GSDMA: variants seen among roughly 807,000 people sequenced by gnomAD.
GSDMA encodes gasdermin A.
In GSDMA, 55 loss-of-function variants were observed where a neutral mutation model predicts 54.3. That is an observed-to-expected ratio of 1.01 (90% confidence interval 0.82 to 1.27). The LOEUF is 1.27. Ranked by LOEUF, GSDMA falls within the 50% of genes most tolerant of loss-of-function variation. GSDMA has a pLI of 0.00. For missense variants in GSDMA, 542 were observed against 542.6 expected, an observed-to-expected ratio of 1.00 and a Z score of 0.01; for synonymous variants, 211 against 224.7, an observed-to-expected ratio of 0.94 and a Z score of 0.54.
chr17:39,967,124 C>T (rs1486879690), intron 3 of GSDMA, among the ~76,000 whole-genome samples: 1 of 152,216 alleles, frequency 6.6e-6, no homozygotes, highest in African/African-American at 2.4e-5. Context: ...TAGTAAAGCA[C>T]TCTACTACGG....
chr17:39,972,726 C>A, intron 7 of GSDMA, 113 bp downstream of exon 7: 1 of 941,680 alleles, frequency 1.1e-6, no homozygotes, highest in Non-Finnish European at 1.7e-6. Context: ...CGAATCTCAG[C>A]AAATAATTGT....
rs1453613290 is a variant in GSDMA at position 39,974,906 on chromosome 17, G to A, written c.913G>A (p.Gly305Arg). 6 of 1,599,864 alleles carry A rather than the reference G, an allele frequency of 3.8e-6. No homozygotes were observed. In the African/African-American group the frequency reaches 6.7e-5, roughly 18 times the overall value. Residue 305 changes from glycine to arginine, a missense_variant, in exon 10 of 12, where the codon GGG (glycine) becomes AGG (arginine). Gly to Arg is a moderately radical substitution (Grantham distance 125). Transcript: ENST00000301659. ...ELQDLELALE[G>R]ALDKGHEVTL... ...CGCCCACCTTCCCCCACAGCTTGAAGGGGCTCTAGACAAGGGACATGAAGT... is the reference window on the plus strand; with the variant it reads ...CGCCCACCTTCCCCCACAGCTTGAAAGGGCTCTAGACAAGGGACATGAAGT...
At chr17:39,974,220 T>G in intron 8 of GSDMA, 53 bp from the exon 9 acceptor site, 6 of 1,539,688 alleles carry the variant, frequency 3.9e-6, no homozygotes, top group Non-Finnish European at 5.3e-6. Context: ...GAATGCTGAC[T>G]GGAGAGGAAG....
chr17:39,969,795 A>G (rs1979845358), intron 3 of GSDMA, among the ~76,000 whole-genome samples: 1 of 152,040 alleles, frequency 6.6e-6, no homozygotes. Context: ...CAGAGGTTGT[A>G]GTGAGCCAAG....
Position 39,974,333 on chromosome 17 carries a change from T to C in GSDMA, c.812T>C (p.Val271Ala). 1.2e-6 allele frequency: 2 copies of C among 1,609,692 alleles called. No homozygotes were observed. Among genetic ancestry groups the C allele is most frequent in the Non-Finnish European group, 1.7e-6 (2 of 1,178,050 alleles). ...GAAGTTCAGAGAGAGACCCAACAAGTGGAGAAGCTGAGCCGAGTAGGGCAA... is the reference window on the plus strand; with the variant it reads ...GAAGTTCAGAGAGAGACCCAACAAGCGGAGAAGCTGAGCCGAGTAGGGCAA... ...KEEVQRETQQVEKLSRVGQSS... is the reference protein window; with the variant it reads ...KEEVQRETQQAEKLSRVGQSS... The change falls in exon 9 of 12, where the codon GTG (valine) becomes GCG (alanine). Residue 271 changes from valine (V) to alanine (A), a missense_variant. By Grantham distance (64) the Val-to-Ala change is moderately conservative. Transcript: ENST00000301659.
intron 10 of GSDMA, among the ~76,000 whole-genome samples, chr17:39,975,386 G>T (rs1980158778): frequency 6.6e-6 from 1 of 151,508 alleles, no homozygotes; most frequent in South Asian, 2.1e-4. Context: ...GAGGGGGAGG[G>T]TGCAGTGAGC....
intron 2 of GSDMA, 134 bp downstream of exon 2, chr17:39,966,035 G>C (rs931898262): frequency 1.5e-5 from 13 of 861,444 alleles, no homozygotes; most frequent in Non-Finnish European, 2.1e-5. Flanking sequence ...TCATCATCAG[G>C]AGCTGAGGAG....
chr17:39,974,760 T>C (rs1980123509), intron 9 of GSDMA, 140 bp from the exon 10 acceptor site: 1 of 658,490 alleles, frequency 1.5e-6, no homozygotes. Context: ...AGGAGTCCAG[T>C]ACTCTTCAGG....
At position 39,965,782 on chromosome 17, in the gene GSDMA, G is replaced by A. The variant is rs557854289; in HGVS notation, c.95G>A (p.Arg32His). ...CTTGACAGCCTCATCGACTTCAAGC[G>A]CTTCCATCCCTTCTGCCTGGTGCTG... ...TPLDSLIDFK[R>H]FHPFCLVLRK... is the part of the protein sequence containing the mutation. The change falls in exon 2 of 12, where the codon CGC becomes CAC. Residue 32 changes from arginine to histidine, a missense_variant. Coordinates refer to ENST00000301659, the MANE Select transcript of GSDMA (RefSeq NM_178171.5). 5.7e-5 allele frequency: 91 copies of A among 1,609,354 alleles called. No homozygotes were observed. Among genetic ancestry groups the A allele is most frequent in the Non-Finnish European group, 7.6e-5 (89 of 1,177,952 alleles).
chr17:39,972,104 ACCCTCCCT>A lies in GSDMA; in HGVS notation c.656-20_656-13del. 5 of 348,128 alleles carry A rather than the reference ACCCTCCCT, an allele frequency of 1.4e-5. No individual in the cohort carries two copies. The highest frequency in any genetic ancestry group is 2.8e-5 in the Non-Finnish European group (5 of 176,752). The allele number at this position is 348,128 out of a possible 1,614,324, so 21.6% of individuals were successfully genotyped here. Reference sequence around the variant, plus strand: ...TGGGGCAGCTGCTAAGTGTCCTCCCACCCTCCCTCCCTTGCCCTTCACAGATATTCCAC... The same window carrying A: ...TGGGGCAGCTGCTAAGTGTCCTCCCACCCTTGCCCTTCACAGATATTCCAC... On this transcript the variant is annotated splice_polypyrimidine_tract_variant and intron_variant, in intron 5 of 11. Transcript: ENST00000301659.
intron 3 of GSDMA, 53 bp downstream of exon 3, chr17:39,966,490 G>A (rs1009756303): frequency 6.8e-7 from 1 of 1,472,616 alleles, no homozygotes; most frequent in Non-Finnish European, 9.2e-7. Flanking sequence ...GGCAGTGCAT[G>A]GAAATGGTGC....
At chr17:39,964,993 G>A (rs1010839102) in intron 1 of GSDMA, among the ~76,000 whole-genome samples, 2 of 151,796 alleles carry the variant, frequency 1.3e-5, no homozygotes, top group African/African-American at 4.8e-5. Context: ...CCAAGTGCAT[G>A]ACTGCAGTCC....
intron 1 of GSDMA, 38 bp downstream of exon 1, chr17:39,963,123 C>G (rs1979489893): frequency 6.5e-6 from 1 of 152,886 alleles, no homozygotes; most frequent in Non-Finnish European, 1.5e-5. Context: ...CAGGGGTGCT[C>G]TGAGGACACA....
At chr17:39,976,022 G>A (rs757121525) in intron 11 of GSDMA, 25 bp downstream of exon 11, 2 of 1,514,736 alleles carry the variant, frequency 1.3e-6, no homozygotes, top group African/African-American at 1.4e-5. Flanking sequence ...GCAGATGCTG[G>A]GGAGAGTCTG....
intron 3 of GSDMA, among the ~76,000 whole-genome samples, chr17:39,968,751 A>G (rs1318410084): frequency 3.9e-5 from 6 of 152,200 alleles, no homozygotes; most frequent in Non-Finnish European, 8.8e-5. Flanking sequence ...CCCATTGCCA[A>G]CGGTGATAGA....
chr17:39,973,841 T>C lies in GSDMA; in HGVS notation c.751+11T>C. ...AGGCATCTGATGTTGGTAAGGAACT[T>C]TGTGAGTTTCTCCCAAGACTTTGGC... On this transcript the variant is annotated intron_variant, in intron 8 of 11. Transcript: ENST00000301659. 1 of 1,612,464 alleles carries C rather than the reference T, an allele frequency of 6.2e-7. No individual in the cohort carries two copies. The highest frequency in any genetic ancestry group is 8.5e-7 in the Non-Finnish European group (1 of 1,178,634).
intron 3 of GSDMA, among the ~76,000 whole-genome samples, chr17:39,966,932 C>T (rs1232753722): frequency 2.6e-5 from 4 of 152,300 alleles, no homozygotes; most frequent in Admixed American, 6.5e-5. Flanking sequence ...AGCACGCCCT[C>T]GGGAATGCTG....
Position 39,977,174 on chromosome 17 carries a change from C to A in GSDMA, c.*116C>A. The A allele has an allele frequency of 1.5e-6, 2 of 1,302,960 alleles. No individual in the cohort carries two copies. Among genetic ancestry groups the A allele is most frequent in the Non-Finnish European group, 2.1e-6 (2 of 938,374 alleles). The allele number at this position is 1,302,960 out of a possible 1,614,324, so 80.7% of individuals were successfully genotyped here. A position where few individuals can be genotyped will look rare whatever the true frequency, so the allele number is the denominator to read the frequency against. On this transcript the variant is annotated 3_prime_UTR_variant, in exon 12 of 12. Coordinates refer to ENST00000301659, the MANE Select transcript of GSDMA (RefSeq NM_178171.5). ...CAGCTGAAGACATCTGAAATCTCAG[C>A]TGGTCACCCATGATAACCAACTTCC...
chr17:39,976,464 G>T (rs953836522), intron 11 of GSDMA, among the ~76,000 whole-genome samples: 1 of 152,044 alleles, frequency 6.6e-6, no homozygotes, highest in Non-Finnish European at 1.5e-5. Flanking sequence ...TTTTAGTAGA[G>T]ACAGGGTTTC....
Sources: allele counts gnomAD v4.1 joint callset (sites outside exome capture counted in the v4.1 genomes callset), GRCh38; gene constraint gnomAD v4.1.1; transcripts MANE v1.5; gene names NCBI Gene and HGNC (gene_info 2026-07-23, HGNC 2026-07-21).